Variants in NUDCD3 observed in about 807,000 individuals in gnomAD.
The protein encoded by NUDCD3 is NudC domain containing 3.
NUDCD3 carries 13 observed loss-of-function variants against 39.7 expected under a neutral mutation model. The ratio of observed to expected loss-of-function variants is 0.33; its 90% confidence interval spans 0.21 to 0.52. The LOEUF (loss-of-function observed/expected upper bound fraction) is 0.52. NUDCD3 is among the 20% of genes least tolerant of loss of function. The probability of loss-of-function intolerance (pLI) is 0.96; values close to 1 mark genes in which losing one functional copy is unlikely to be tolerated. For missense variants in NUDCD3, 453 were observed against 458.1 expected, an observed-to-expected ratio of 0.99 and a Z score of 0.10; for synonymous variants, 175 against 172.4, an observed-to-expected ratio of 1.02 and a Z score of -0.12.
chr7:44,437,331 G>C (rs1048760102), intron 2 of NUDCD3, among the ~76,000 whole-genome samples: 5 of 151,936 alleles, frequency 3.3e-5, no homozygotes, highest in Non-Finnish European at 7.4e-5. Context: ...GCCTCCCAAA[G>C]TGCTGGGATT....
At chr7:44,434,848 A>G (rs576341814) in intron 2 of NUDCD3, among the ~76,000 whole-genome samples, 3 of 152,364 alleles carry the variant, frequency 2.0e-5, no homozygotes, top group Admixed American at 6.5e-5. Flanking sequence ...CTCCTGACCT[A>G]TAAAATGGGA....
chr7:44,467,823 AAAAAAAAAG>A, intron 2 of NUDCD3: 1 of 1,124,248 alleles, frequency 8.9e-7, no homozygotes, highest in Non-Finnish European at 1.3e-6. Context: ...TCAGTAAAAA[AAAAAAAAAG>A]AAAAGAAAAG....
In NUDCD3 at chr7:44,397,526, C is replaced by T. The variant is rs140957331; in HGVS notation, c.787-5041G>A. Among the ~76,000 whole-genome samples the T allele has an allele frequency of 2.6e-3, 393 of 152,294 alleles. 2 individuals are homozygous for T. The highest frequency in any genetic ancestry group is 4.0e-3 in the Non-Finnish European group (271 of 68,016). Reference sequence around the variant, plus strand: ...TCTTCTAAGAGGTGTCTAGGGGCATCTCATCATGGTTTTGCCTTGCATTCC... The same window carrying T: ...TCTTCTAAGAGGTGTCTAGGGGCATTTCATCATGGTTTTGCCTTGCATTCC... On this transcript the variant is annotated intron_variant, in intron 4 of 5. Coordinates refer to ENST00000355451, the MANE Select transcript of NUDCD3 (RefSeq NM_015332.4).
At chr7:44,397,883 T>C (rs1409231414) in intron 4 of NUDCD3, among the ~76,000 whole-genome samples, 2 of 152,218 alleles carry the variant, frequency 1.3e-5, no homozygotes, top group African/African-American at 4.8e-5. Flanking sequence ...TTCCTGCATC[T>C]TGGGGGTCCT....
At chr7:44,417,656 A>C (rs1799054018) in intron 3 of NUDCD3, among the ~76,000 whole-genome samples, 1 of 152,206 alleles carries the variant, frequency 6.6e-6, no homozygotes, top group Admixed American at 6.5e-5. Flanking sequence ...ACTAACAAAA[A>C]ATGAAATGGA....
At chr7:44,467,687 T>C (rs1206651305) in intron 2 of NUDCD3, among the ~76,000 whole-genome samples, 1 of 152,120 alleles carries the variant, frequency 6.6e-6, no homozygotes, top group Non-Finnish European at 1.5e-5. Flanking sequence ...AAATACTTGC[T>C]GAATCCAAGA....
chr7:44,461,668 C>T (rs745601181), intron 2 of NUDCD3, among the ~76,000 whole-genome samples: 35 of 152,100 alleles, frequency 2.3e-4, no homozygotes, highest in Non-Finnish European at 2.4e-4. Flanking sequence ...TTTCACCAGC[C>T]ATGTGACATG....
At chr7:44,386,188 C>T (rs1015209654) in intron 5 of NUDCD3, 67 bp from the exon 6 acceptor site, 13 of 1,545,776 alleles carry the variant, frequency 8.4e-6, no homozygotes, top group Non-Finnish European at 1.2e-5. Flanking sequence ...CCAGAGCAGA[C>T]TCTGACTGCA....
intron 4 of NUDCD3, among the ~76,000 whole-genome samples, chr7:44,394,797 AC>A (rs1156946642): frequency 6.6e-6 from 1 of 152,194 alleles, no homozygotes; most frequent in East Asian, 1.9e-4. Context: ...CGGCCTACAT[AC>A]CATCCAGGGG....
At chr7:44,466,805 G>A (rs148056487) in intron 2 of NUDCD3, among the ~76,000 whole-genome samples, 126 of 152,356 alleles carry the variant, frequency 8.3e-4, no homozygotes, top group African/African-American at 2.7e-3. Context: ...AAAGCAGGAG[G>A]CATGCTAGTG....
intron 3 of NUDCD3, among the ~76,000 whole-genome samples, chr7:44,412,799 C>A (rs760593728): frequency 6.6e-6 from 1 of 151,534 alleles, no homozygotes; most frequent in Non-Finnish European, 1.5e-5. Flanking sequence ...TAGTGGCAGG[C>A]GCCTGTATTC....
intron 2 of NUDCD3, among the ~76,000 whole-genome samples, chr7:44,431,078 T>C (rs1433280070): frequency 1.3e-5 from 2 of 152,184 alleles, no homozygotes; most frequent in African/African-American, 4.8e-5. Context: ...TGAATGCACA[T>C]TCTATTTAAA....
chr7:44,391,149 AAAAAACAAAAAC>A (rs781325211), intron 5 of NUDCD3, among the ~76,000 whole-genome samples: 2 of 152,174 alleles, frequency 1.3e-5, no homozygotes, highest in Non-Finnish European at 2.9e-5. Flanking sequence ...TGTGGGGGGA[AAAAAACAAAAAC>A]AAAAACAAAA....
intron 2 of NUDCD3, among the ~76,000 whole-genome samples, chr7:44,478,079 C>T (rs1012591487): frequency 6.6e-5 from 10 of 152,174 alleles, no homozygotes; most frequent in Non-Finnish European, 1.2e-4. Context: ...AATGATCAGC[C>T]GGCCTCGGCC....
chr7:44,412,943 GAAAAAAA>G (rs1294502339), intron 3 of NUDCD3, among the ~76,000 whole-genome samples: 2 of 126,376 alleles, frequency 1.6e-5, no homozygotes, highest in African/African-American at 6.3e-5. Context: ...AAAAAAAAAA[GAAAAAAA>G]AAAAGAAAGA....
intron 2 of NUDCD3, among the ~76,000 whole-genome samples, chr7:44,433,461 A>G (rs1264522148): frequency 6.6e-6 from 1 of 151,558 alleles, no homozygotes; most frequent in Non-Finnish European, 1.5e-5. Flanking sequence ...TGTGTGGTGT[A>G]TGTGTGTGGT....
At chr7:44,442,693 C>CT (rs869244799) in intron 2 of NUDCD3, among the ~76,000 whole-genome samples, 12,780 of 124,368 alleles carry the variant, frequency 0.1, 939 homozygotes, top group East Asian at 0.28. Context: ...CTCCCCTTTT[C>CT]TTTTTTTTTT....
chr7:44,423,194 G>A (rs1290203724), intron 3 of NUDCD3, among the ~76,000 whole-genome samples: 1 of 152,150 alleles, frequency 6.6e-6, no homozygotes, highest in Non-Finnish European at 1.5e-5. Flanking sequence ...CATACTGAAT[G>A]GGCAAAAGCT....
At chr7:44,465,356 T>C (rs1385810571) in intron 2 of NUDCD3, among the ~76,000 whole-genome samples, 1 of 152,132 alleles carries the variant, frequency 6.6e-6, no homozygotes, top group Non-Finnish European at 1.5e-5. Flanking sequence ...CCTGTCCACA[T>C]GAAGTGGGAA....
Sources: gnomAD v4.1 joint callset for allele counts (sites outside exome capture counted in the v4.1 genomes callset) on GRCh38, gnomAD v4.1.1 for gene constraint, MANE v1.5 for transcripts, NCBI Gene and HGNC (gene_info 2026-07-23, HGNC 2026-07-21) for gene names.